Variants in PIK3C3 observed in about 807,000 individuals in gnomAD.
The protein encoded by PIK3C3 is phosphatidylinositol 3-kinase catalytic subunit type 3.
Under a neutral mutation model 126.1 loss-of-function variants are expected in PIK3C3, and 95 were observed. The observed-to-expected ratio is 0.75, with a 90% CI of 0.64 to 0.89. PIK3C3 has a LOEUF of 0.89. Among genes scored for constraint, PIK3C3 ranks in the 40% least tolerant of loss-of-function variants. The pLI, the probability that PIK3C3 is intolerant of heterozygous loss-of-function variation, is 0.00. For missense variants in PIK3C3, 829 were observed against 1,063.2 expected, an observed-to-expected ratio of 0.78 and a Z score of 3.06; for synonymous variants, 374 against 360.0, an observed-to-expected ratio of 1.04 and a Z score of -0.44.
chr18:42,011,163 C>T (rs149968512), intron 10 of PIK3C3, among the ~76,000 whole-genome samples: 133 of 152,258 alleles, frequency 8.7e-4, no homozygotes, highest in Non-Finnish European at 1.6e-3. Context: ...TTCTTAAGGG[C>T]CCTAGGACTT....
intron 13 of PIK3C3, among the ~76,000 whole-genome samples, chr18:42,022,962 T>A (rs1030548422): frequency 6.6e-6 from 1 of 152,194 alleles, no homozygotes; most frequent in Non-Finnish European, 1.5e-5. Context: ...TATTTCCTCA[T>A]GAAAATCTAA....
At chr18:42,033,191 T>C (rs1413537629) in intron 15 of PIK3C3, among the ~76,000 whole-genome samples, 2 of 152,206 alleles carry the variant, frequency 1.3e-5, no homozygotes, top group Non-Finnish European at 2.9e-5. Flanking sequence ...CTAAATAGTA[T>C]AGATGTTGCT....
At chr18:42,078,988 C>A (rs545369372) in intron 24 of PIK3C3, among the ~76,000 whole-genome samples, 20 of 152,206 alleles carry the variant, frequency 1.3e-4, no homozygotes, top group African/African-American at 4.8e-4. Context: ...TCCTCCATAT[C>A]AGCAATAAAG....
intron 22 of PIK3C3, among the ~76,000 whole-genome samples, chr18:42,058,768 G>A (rs1432936667): frequency 6.6e-6 from 1 of 152,136 alleles, no homozygotes; most frequent in Non-Finnish European, 1.5e-5. Context: ...GTCATGTTTG[G>A]TAAATTTAGG....
In PIK3C3 at chr18:42,086,754, T is replaced by A. The variant is rs1257660075; in HGVS notation, c.*5617T>A. On this transcript the variant is annotated 3_prime_UTR_variant, in exon 25 of 25. Coordinates refer to ENST00000262039, the MANE Select transcript of PIK3C3 (RefSeq NM_002647.4). ...GAACCCTCAGTTCTGAGAATTTCCTTGAAAATTCATGAATAATCCACCCCT... is the reference window on the plus strand; with the variant it reads ...GAACCCTCAGTTCTGAGAATTTCCTAGAAAATTCATGAATAATCCACCCCT... The A allele has an allele frequency of 6.6e-6, 1 of 152,212 alleles. No homozygotes were observed. The highest frequency in any genetic ancestry group is 1.5e-5 in the Non-Finnish European group (1 of 68,044). The allele number at this position is 152,212 out of a possible 1,614,324, so 9.4% of individuals were successfully genotyped here.
chr18:42,050,696 T>G (rs1984764056), intron 21 of PIK3C3: 1 of 152,240 alleles, frequency 6.6e-6, no homozygotes, highest in Admixed American at 6.5e-5. Context: ...ACTGTCTTCA[T>G]TTTTACTACT....
Position 42,083,330 on chromosome 18 carries a change from G to A in PIK3C3, c.*2193G>A, listed in dbSNP as rs1051674329. The A allele has an allele frequency of 6.6e-6, 1 of 152,138 alleles. No individual in the cohort carries two copies. The highest frequency in any genetic ancestry group is 6.6e-5 in the Admixed American group (1 of 15,260). 9.4% of individuals were successfully genotyped at this position (152,138 alleles called of 1,614,324 possible). A position where few individuals can be genotyped will look rare whatever the true frequency, so the allele number is the denominator to read the frequency against. On this transcript the variant is annotated 3_prime_UTR_variant, in exon 25 of 25. Transcript: ENST00000262039. ...TGATATTTCAAGCATGATGTTTTGA[G>A]TTTGAGAAATGTATTTGTGAGGACA... is the stretch of plus-strand genomic sequence containing the variant.
chr18:42,010,928 G>A (rs778006774), intron 10 of PIK3C3, among the ~76,000 whole-genome samples: 71 of 152,352 alleles, frequency 4.7e-4, no homozygotes, highest in Non-Finnish European at 8.2e-4. Flanking sequence ...AATGGATGTT[G>A]TGTTAGCAGG....
chr18:42,024,438 AT>A (rs577688097), intron 13 of PIK3C3, among the ~76,000 whole-genome samples: 248 of 144,690 alleles, frequency 1.7e-3, no homozygotes, highest in Middle Eastern at 3.6e-3. Flanking sequence ...GGCTTGAATG[AT>A]TTTTTTTTTT....
chr18:42,040,682 A>G lies in PIK3C3; in HGVS notation c.2044A>G (p.Met682Val). 6.2e-7 allele frequency: 1 copy of G among 1,608,828 alleles called. No homozygotes were observed. The highest frequency in any genetic ancestry group is 8.5e-7 in the Non-Finnish European group (1 of 1,175,710). Residue 682 changes from methionine (M) to valine (V), a missense_variant, in exon 19 of 25, where the codon ATG becomes GTG. By Grantham distance (21) the Met-to-Val change is conservative (BLOSUM62 1). Around this residue, in one of 4 missense-constraint regions of PIK3C3, gnomAD observed 196 missense variants for 312.8 expected, o/e 0.63. Coordinates refer to ENST00000262039, the MANE Select transcript of PIK3C3 (RefSeq NM_002647.4). ...GTGCATACATTTCTGTGTAGGCTTC[A>G]TGCAGTTTATCCAGTCAGTTCCTGT... is the stretch of plus-strand genomic sequence containing the variant. ...VLATSTKHGF[M>V]QFIQSVPVAE...
chr18:42,035,238 A>T (rs1983996840), intron 16 of PIK3C3, among the ~76,000 whole-genome samples: 1 of 152,190 alleles, frequency 6.6e-6, no homozygotes, highest in South Asian at 2.1e-4. Flanking sequence ...TATACATATA[A>T]CAACTGGCAT....
At chr18:42,051,811 AT>A (rs1016534042) in intron 21 of PIK3C3, among the ~76,000 whole-genome samples, 1 of 151,946 alleles carries the variant, frequency 6.6e-6, no homozygotes, top group African/African-American at 2.4e-5. Context: ...AAATGATTCC[AT>A]TTTTTTCCAG....
chr18:41,990,687 T>C (rs1598874361), intron 6 of PIK3C3, 133 bp downstream of exon 6: 2 of 593,384 alleles, frequency 3.4e-6, no homozygotes, highest in East Asian at 2.8e-5. Context: ...AGCAGCTGTT[T>C]ATGTATACAG....
chr18:42,055,536 A>G (rs897387195), intron 21 of PIK3C3, among the ~76,000 whole-genome samples: 1 of 152,166 alleles, frequency 6.6e-6, no homozygotes, highest in African/African-American at 2.4e-5. Flanking sequence ...ACGACATTCA[A>G]TTAAGACAAA....
chr18:42,086,721 A>G lies in PIK3C3; in HGVS notation c.*5584A>G, dbSNP rs201362646. 11 of 152,346 alleles carry G rather than the reference A, an allele frequency of 7.2e-5. No individual in the cohort carries two copies. In the East Asian group the frequency reaches 1.9e-3, roughly 27 times the overall value. 9.4% of individuals were successfully genotyped at this position (152,346 alleles called of 1,614,324 possible). A position where few individuals can be genotyped will look rare whatever the true frequency, so the allele number is the denominator to read the frequency against. ...AGGAAGTTACCCTATATGGTCTAAA[A>G]AGGGGAGGAACCCTCAGTTCTGAGA... On this transcript the variant is annotated 3_prime_UTR_variant, in exon 25 of 25. Transcript: ENST00000262039.
chr18:42,052,373 A>G (rs1984844399), intron 21 of PIK3C3, among the ~76,000 whole-genome samples: 1 of 152,228 alleles, frequency 6.6e-6, no homozygotes, highest in South Asian at 2.1e-4. Flanking sequence ...TTTACCCTAA[A>G]ACGTGCATAA....
chr18:42,040,420 G>A (rs112738732), intron 18 of PIK3C3, among the ~76,000 whole-genome samples: 5 of 151,130 alleles, frequency 3.3e-5, no homozygotes, highest in Admixed American at 6.6e-5. Flanking sequence ...ATTAGTTTTC[G>A]TTTCTCATAT....
At position 41,962,631 on chromosome 18, in the gene PIK3C3, G is replaced by C. The variant is rs138532795; in HGVS notation, c.400G>C (p.Gly134Arg). 2 of 1,609,566 alleles carry C rather than the reference G, an allele frequency of 1.2e-6. No individual in the cohort carries two copies. The highest frequency in any genetic ancestry group is 2.7e-5 in the African/African-American group (2 of 74,758). The part of the protein sequence containing the change: ...GTTVSLFGKY[G>R]MFRQGMHDLK... ...AACGGTTTCGCTCTTTGGAAAATAC[G>C]GGTAAGCATTCTGTTGGTCTCATCT... is the stretch of plus-strand genomic sequence containing the variant. The change falls in exon 3 of 25, where the codon GGC becomes CGC. Residue 134 changes from glycine (G) to arginine (R), a missense_variant and splice_region_variant. By Grantham distance (125) the Gly-to-Arg change is moderately radical (BLOSUM62 -2). Coordinates refer to ENST00000262039, the MANE Select transcript of PIK3C3 (RefSeq NM_002647.4).
chr18:42,003,115 A>G (rs1462912869), intron 9 of PIK3C3, among the ~76,000 whole-genome samples: 1 of 152,160 alleles, frequency 6.6e-6, no homozygotes, highest in Non-Finnish European at 1.5e-5. Flanking sequence ...ATTGAACTAG[A>G]CAATCTCCAT....
Sources: allele counts gnomAD v4.1 joint callset (sites outside exome capture counted in the v4.1 genomes callset), GRCh38; gene constraint gnomAD v4.1.1; regional missense constraint gnomAD v4.1.1; transcripts MANE v1.5; gene names NCBI Gene and HGNC (gene_info 2026-07-23, HGNC 2026-07-21).